Variants in PRR16 observed in about 807,000 individuals in gnomAD.
PRR16 encodes protein Largen.
A neutral mutation model predicts 18.2 loss-of-function variants in PRR16; 6 were observed. The observed-to-expected ratio is 0.33, with a 90% CI of 0.18 to 0.65. PRR16 has a LOEUF of 0.65. Ranked by LOEUF, PRR16 falls within the 30% of genes least tolerant of loss-of-function variation. PRR16 has a pLI of 0.74. For synonymous variants in PRR16, 151 were observed against 147.8 expected, an observed-to-expected ratio of 1.02 and a Z score of -0.16; for missense variants, 412 against 376.6, an observed-to-expected ratio of 1.09 and a Z score of -0.78.
At chr5:120,732,355 T>G in the PRR16 span, among the ~76,000 whole-genome samples, 1 of 152,188 alleles carries the variant, frequency 6.6e-6, no homozygotes. Flanking sequence ...TTGGTTGATC[T>G]GAAGACGAGG....
At chr5:120,685,591 C>T (rs558901580) in intron 1 of PRR16, among the ~76,000 whole-genome samples, 1 of 152,062 alleles carries the variant, frequency 6.6e-6, no homozygotes, top group East Asian at 1.9e-4. Flanking sequence ...CAATGTTCTC[C>T]TACAGCTTTC....
chr5:120,562,132 C>T (rs535043475), intron 1 of PRR16, among the ~76,000 whole-genome samples: 2 of 152,144 alleles, frequency 1.3e-5, no homozygotes, highest in Admixed American at 1.3e-4. Flanking sequence ...TGGCTCTAAT[C>T]ATAGTTGTTT....
At chr5:120,713,375 A>T in the PRR16 span, among the ~76,000 whole-genome samples, 1 of 152,160 alleles carries the variant, frequency 6.6e-6, no homozygotes, top group African/African-American at 2.4e-5. Flanking sequence ...CTAGGAAAAG[A>T]ACATCCTGAC....
chr5:120,535,580 G>A (rs1216495511), intron 1 of PRR16, among the ~76,000 whole-genome samples: 5 of 150,250 alleles, frequency 3.3e-5, no homozygotes, highest in Non-Finnish European at 5.9e-5. Context: ...CGGGAGGATC[G>A]CTTGAGCTCG....
At chr5:120,581,052 G>A (rs2112754733) in intron 1 of PRR16, among the ~76,000 whole-genome samples, 1 of 152,258 alleles carries the variant, frequency 6.6e-6, no homozygotes, top group East Asian at 1.9e-4. Flanking sequence ...AGTTAGAGAG[G>A]AGTCCCTCCT....
intron 1 of PRR16, among the ~76,000 whole-genome samples, chr5:120,578,306 A>C (rs1182189141): frequency 6.6e-6 from 1 of 152,184 alleles, no homozygotes; most frequent in African/African-American, 2.4e-5. Context: ...AATGGGATAC[A>C]TATGTAGAAC....
the PRR16 span, chr5:120,789,933 T>A: frequency 6.6e-6 from 1 of 152,170 alleles, no homozygotes; most frequent in South Asian, 2.1e-4. Context: ...TATTTATATT[T>A]TGTTTTCCTT....
chr5:120,633,852 T>TTTAATATTCCACTGACAGCAC (rs1173864308), intron 1 of PRR16, among the ~76,000 whole-genome samples: 2 of 151,462 alleles, frequency 1.3e-5, no homozygotes, highest in African/African-American at 4.9e-5. Context: ...AGTGGAGGAC[T>TTTAATATTCCACTGACAGCAC]TTAATATTCC....
the PRR16 span, among the ~76,000 whole-genome samples, chr5:120,741,809 C>G: frequency 2.0e-5 from 3 of 152,076 alleles, no homozygotes; most frequent in East Asian, 5.8e-4. Context: ...CCATGTTGGC[C>G]AGGCTGGTCC....
chr5:120,719,186 G>A, the PRR16 span, among the ~76,000 whole-genome samples: 26 of 152,000 alleles, frequency 1.7e-4, no homozygotes, highest in African/African-American at 6.0e-4. Context: ...ATATTTACAA[G>A]TAAGATGAAA....
chr5:120,745,865 A>ATTTTTTTTTTTTTTTTTTTTT, the PRR16 span, among the ~76,000 whole-genome samples: 1 of 127,494 alleles, frequency 7.8e-6, no homozygotes, highest in Non-Finnish European at 1.7e-5. Context: ...CGCCCGGGTA[A>ATTTTTTTTTTTTTTTTTTTTT]TTTTTTTTTT....
At chr5:120,738,093 A>G in the PRR16 span, among the ~76,000 whole-genome samples, 1 of 151,870 alleles carries the variant, frequency 6.6e-6, no homozygotes, top group East Asian at 1.9e-4. Flanking sequence ...AGAGTAGTAT[A>G]AAGAATCATA....
At chr5:120,792,639 C>A in the PRR16 span, among the ~76,000 whole-genome samples, 1 of 152,006 alleles carries the variant, frequency 6.6e-6, no homozygotes, top group South Asian at 2.1e-4. Flanking sequence ...CCTTGCTGGC[C>A]CCTATTCACA....
At chr5:120,517,706 T>C (rs1751043878) in intron 1 of PRR16, among the ~76,000 whole-genome samples, 1 of 152,166 alleles carries the variant, frequency 6.6e-6, no homozygotes, top group Non-Finnish European at 1.5e-5. Flanking sequence ...TTGTAGATAG[T>C]AGAAGAGTGT....
intron 1 of PRR16, among the ~76,000 whole-genome samples, chr5:120,543,605 C>T (rs955941050): frequency 1.1e-4 from 17 of 152,002 alleles, no homozygotes; most frequent in East Asian, 3.9e-4. Context: ...AATATGATGT[C>T]GGAAAGAACA....
chr5:120,484,599 A>T (rs1293627781), intron 1 of PRR16, among the ~76,000 whole-genome samples: 1 of 146,122 alleles, frequency 6.8e-6, no homozygotes, highest in Non-Finnish European at 1.5e-5. Flanking sequence ...TATATAATAT[A>T]TAATATATTA....
Position 120,588,894 on chromosome 5 carries a change from A to G in PRR16, c.160-97060A>G, listed in dbSNP as rs76185573. ...CAATCTTTAATTTCTCTAAGTCTCA[A>G]ATAGGTTATCTCTCTCTGTCTAACC... On this transcript the variant is annotated intron_variant, in intron 1 of 1. Transcript: ENST00000407149. Among the ~76,000 whole-genome samples, 17 of 152,180 alleles carry G rather than the reference A, an allele frequency of 1.1e-4. No individual in the cohort carries two copies. In the East Asian group the frequency reaches 2.1e-3, roughly 19 times the overall value.
intron 1 of PRR16, among the ~76,000 whole-genome samples, chr5:120,531,902 A>G (rs575088490): frequency 6.6e-6 from 1 of 152,202 alleles, no homozygotes; most frequent in African/African-American, 2.4e-5. Context: ...ACAGTGATAC[A>G]AGTGTTGTTA....
At chr5:120,537,325 G>A (rs1751749919) in intron 1 of PRR16, among the ~76,000 whole-genome samples, 1 of 152,100 alleles carries the variant, frequency 6.6e-6, no homozygotes, top group Admixed American at 6.5e-5. Flanking sequence ...TCCCTAATAT[G>A]TTTGGGCATA....
Sources: allele counts gnomAD v4.1 joint callset (sites outside exome capture counted in the v4.1 genomes callset), GRCh38; gene constraint gnomAD v4.1.1; transcripts MANE v1.5; gene names NCBI Gene and HGNC (gene_info 2026-07-23, HGNC 2026-07-21).